The following GLRA3 variants were observed in gnomAD, a reference collection of about 807,000 sequenced individuals.
The protein encoded by GLRA3 is glycine receptor alpha 3.
Under a neutral mutation model 60.4 loss-of-function variants are expected in GLRA3, and 44 were observed. That is an observed-to-expected ratio of 0.73 (90% confidence interval 0.57 to 0.94). The LOEUF (loss-of-function observed/expected upper bound fraction) is 0.94. Among genes scored for constraint, GLRA3 ranks in the 40% least tolerant of loss-of-function variants. The probability of loss-of-function intolerance (pLI) is 0.00; values close to 1 mark genes in which losing one functional copy is unlikely to be tolerated. For missense variants in GLRA3, 508 were observed against 564.6 expected, an observed-to-expected ratio of 0.90 and a Z score of 1.02; for synonymous variants, 223 against 192.9, an observed-to-expected ratio of 1.16 and a Z score of -1.29.
intron 5 of GLRA3, among the ~76,000 whole-genome samples, chr4:174,696,402 A>G (rs1735054200): frequency 6.6e-6 from 1 of 150,780 alleles, no homozygotes; most frequent in Non-Finnish European, 1.5e-5. Flanking sequence ...TTACTATGAA[A>G]GATATTGTAA....
chr4:174,665,962 T>C (rs907218011), intron 7 of GLRA3, among the ~76,000 whole-genome samples: 2 of 152,174 alleles, frequency 1.3e-5, no homozygotes, highest in Non-Finnish European at 2.9e-5. Flanking sequence ...GAGGGAATCA[T>C]CCTTATTTTA....
At chr4:174,670,836 A>T (rs770074963) in intron 7 of GLRA3, among the ~76,000 whole-genome samples, 1 of 152,132 alleles carries the variant, frequency 6.6e-6, no homozygotes, top group Non-Finnish European at 1.5e-5. Context: ...AGAGATATCC[A>T]TCAATTTCTA....
At chr4:174,688,859 G>T (rs189917974) in intron 5 of GLRA3, among the ~76,000 whole-genome samples, 1 of 152,130 alleles carries the variant, frequency 6.6e-6, no homozygotes, top group East Asian at 1.9e-4. Flanking sequence ...GAGCTATAAA[G>T]AATCTTAGAG....
At chr4:174,733,040 T>C (rs1456783638) in intron 3 of GLRA3, among the ~76,000 whole-genome samples, 1 of 152,174 alleles carries the variant, frequency 6.6e-6, no homozygotes, top group Non-Finnish European at 1.5e-5. Flanking sequence ...ATATTATGTA[T>C]GTAATTATAT....
In GLRA3 at chr4:174,639,320, A is replaced by T. The variant is rs560776244; in HGVS notation, c.*4466T>A. 1 of 151,402 alleles carries T rather than the reference A, an allele frequency of 6.6e-6. No homozygotes were observed. The highest frequency in any genetic ancestry group is 6.6e-5 in the Admixed American group (1 of 15,194). 9.4% of individuals were successfully genotyped at this position (151,402 alleles called of 1,614,324 possible). On this transcript the variant is annotated 3_prime_UTR_variant, in exon 10 of 10. Transcript: ENST00000274093. ...TATGAACCTTTGTCTAGAAAAATTG[A>T]CTGTCTTTGTATTTTTAATCTAAAG...
intron 5 of GLRA3, among the ~76,000 whole-genome samples, chr4:174,692,274 T>G (rs1734863714): frequency 8.5e-5 from 11 of 129,874 alleles, no homozygotes; most frequent in African/African-American, 1.5e-4. Context: ...GGTGGGGGGG[T>G]CAGCACCCCA....
At chr4:174,730,281 T>G (rs917018038) in intron 3 of GLRA3, among the ~76,000 whole-genome samples, 3 of 152,146 alleles carry the variant, frequency 2.0e-5, no homozygotes, top group African/African-American at 7.2e-5. Flanking sequence ...CCATGGTTGG[T>G]GGCCAGTTCT....
chr4:174,656,869 G>A, intron 8 of GLRA3, 82 bp from the exon 9 acceptor site: 2 of 800,660 alleles, frequency 2.5e-6, no homozygotes, highest in Non-Finnish European at 4.4e-6. Flanking sequence ...TTACACAATT[G>A]GTTGTAATTG....
In GLRA3 at chr4:174,685,794, C is replaced by A. The variant is rs555815938; in HGVS notation, c.575-2855G>T. 2.6e-5 allele frequency among the ~76,000 whole-genome samples: 4 copies of A among 152,230 alleles called. No homozygotes were observed. The East Asian group carries it at 7.7e-4, about 29-fold the overall frequency. On this transcript the variant is annotated intron_variant, in intron 5 of 9. Coordinates refer to ENST00000274093, the MANE Select transcript of GLRA3 (RefSeq NM_006529.4). ...GCAAAATAGGCACCAATTCTACCTT[C>A]TGCCAGATAAGACATGTTTCTCATT...
At chr4:174,781,777 T>C (rs1378207921) in intron 2 of GLRA3, among the ~76,000 whole-genome samples, 4 of 151,964 alleles carry the variant, frequency 2.6e-5, no homozygotes, top group African/African-American at 9.7e-5. Context: ...AGAAGTTGAA[T>C]CTCTGAATAG....
chr4:174,761,846 C>T lies in GLRA3; in HGVS notation c.267+5117G>A, dbSNP rs147744833. Reference sequence around the variant, plus strand: ...CACTTTGTATTAATTCACTGTACTTCACTCCTATAATTTGTGCACTTTTTT... The same window carrying T: ...CACTTTGTATTAATTCACTGTACTTTACTCCTATAATTTGTGCACTTTTTT... On this transcript the variant is annotated intron_variant, in intron 3 of 9. Coordinates refer to ENST00000274093, the MANE Select transcript of GLRA3 (RefSeq NM_006529.4). Among the ~76,000 whole-genome samples, 1,001 of 152,210 alleles carry T rather than the reference C, an allele frequency of 6.6e-3. 6 individuals carry two copies. The highest frequency in any genetic ancestry group is 0.01 in the Non-Finnish European group (699 of 68,002).
At chr4:174,784,447 C>T (rs1408470561) in intron 2 of GLRA3, among the ~76,000 whole-genome samples, 1 of 145,698 alleles carries the variant, frequency 6.9e-6, no homozygotes, top group Non-Finnish European at 1.5e-5. Flanking sequence ...TGCACATGTA[C>T]CCTAAAACTT....
intron 2 of GLRA3, among the ~76,000 whole-genome samples, chr4:174,783,942 C>T (rs920889162): frequency 6.6e-5 from 10 of 150,844 alleles, no homozygotes; most frequent in African/African-American, 2.4e-4. Flanking sequence ...ACTAGAAATA[C>T]CATTTGATCC....
intron 2 of GLRA3, among the ~76,000 whole-genome samples, chr4:174,778,651 T>C (rs1056518224): frequency 6.6e-6 from 1 of 152,220 alleles, no homozygotes; most frequent in Non-Finnish European, 1.5e-5. Context: ...GGGCGAGGCA[T>C]TGCCTCACTT....
At chr4:174,769,231 A>G (rs1280946517) in intron 2 of GLRA3, among the ~76,000 whole-genome samples, 1 of 151,976 alleles carries the variant, frequency 6.6e-6, no homozygotes, top group Non-Finnish European at 1.5e-5. Flanking sequence ...TTTTTCATAC[A>G]TCATCCCTAT....
At chr4:174,656,336 T>G (rs908307536) in intron 9 of GLRA3, among the ~76,000 whole-genome samples, 2 of 152,148 alleles carry the variant, frequency 1.3e-5, no homozygotes, top group African/African-American at 4.8e-5. Flanking sequence ...TTTTGAGGTC[T>G]CTTGTGCAGT....
chr4:174,643,796 T>G lies in GLRA3; in HGVS notation c.1385A>C (p.Gln462Pro). Residue 462 changes from glutamine (Q) to proline (P), a missense_variant, in exon 10 of 10, where the codon CAG becomes CCG. Transcript: ENST00000274093. ...KILRHEDIHQ[Q>P]QD ...CATGCCCCCAGAGACTTAATCTTGC[T>G]GCTGATGAATATCCTCATGCCTAAG... 1 of 1,611,864 alleles carries G rather than the reference T, an allele frequency of 6.2e-7. No homozygotes were observed. The highest frequency in any genetic ancestry group is 8.5e-7 in the Non-Finnish European group (1 of 1,178,468).
chr4:174,749,199 T>C (rs1737365500), intron 3 of GLRA3, among the ~76,000 whole-genome samples: 1 of 152,158 alleles, frequency 6.6e-6, no homozygotes, highest in African/African-American at 2.4e-5. Context: ...GCCTTCCCAC[T>C]TCCTGATTCA....
chr4:174,733,809 C>G (rs1240726111), intron 3 of GLRA3, among the ~76,000 whole-genome samples: 1 of 152,182 alleles, frequency 6.6e-6, no homozygotes, highest in Non-Finnish European at 1.5e-5. Flanking sequence ...GTCTCTAGGA[C>G]CCGTGAGTAT....
Sources: gnomAD v4.1 joint callset for allele counts (sites outside exome capture counted in the v4.1 genomes callset) on GRCh38, gnomAD v4.1.1 for gene constraint, MANE v1.5 for transcripts, NCBI Gene and HGNC (gene_info 2026-07-23, HGNC 2026-07-21) for gene names.